KLF12: variants seen among roughly 807,000 people sequenced by gnomAD.
KLF12 encodes Krueppel-like factor 12.
A neutral mutation model predicts 37.8 loss-of-function variants in KLF12; 9 were observed. The observed-to-expected ratio is 0.24, with a 90% confidence interval of 0.14 to 0.42. The LOEUF (loss-of-function observed/expected upper bound fraction) is 0.42, where lower values mean the gene tolerates loss of function less well. KLF12 is among the 10% of genes least tolerant of loss of function. KLF12 has a pLI of 1.00. For missense variants in KLF12, 411 were observed against 516.0 expected, an observed-to-expected ratio of 0.80 and a Z score of 1.97; for synonymous variants, 208 against 202.1, an observed-to-expected ratio of 1.03 and a Z score of -0.25.
At chr13:74,193,167 C>G in the KLF12 span, among the ~76,000 whole-genome samples, 1 of 151,862 alleles carries the variant, frequency 6.6e-6, no homozygotes. Flanking sequence ...TTAGTAGAGA[C>G]AGGGTTTTTG....
chr13:74,215,331 A>T, the KLF12 span, among the ~76,000 whole-genome samples: 53 of 151,462 alleles, frequency 3.5e-4, no homozygotes, highest in East Asian at 8.3e-3. Flanking sequence ...ATTTCCTGTT[A>T]AAAGTTATTA....
At chr13:73,864,501 G>A (rs1388294403) in intron 3 of KLF12, among the ~76,000 whole-genome samples, 1 of 152,002 alleles carries the variant, frequency 6.6e-6, no homozygotes, top group African/African-American at 2.4e-5. Context: ...ATATCAGATT[G>A]TAAATAGTCC....
At chr13:73,943,234 TTAA>T (rs1276445277) in intron 3 of KLF12, among the ~76,000 whole-genome samples, 1 of 152,206 alleles carries the variant, frequency 6.6e-6, no homozygotes, top group East Asian at 1.9e-4. Flanking sequence ...TGGTGGTGGT[TTAA>T]TAAAATAAGT....
the KLF12 span, among the ~76,000 whole-genome samples, chr13:74,242,011 CT>C: frequency 1.3e-4 from 20 of 152,326 alleles, no homozygotes; most frequent in Admixed American, 1.2e-3. Context: ...AAAAGCTCTT[CT>C]GCCCACTCTG....
At chr13:73,915,478 C>T (rs988706717) in intron 3 of KLF12, among the ~76,000 whole-genome samples, 2 of 151,734 alleles carry the variant, frequency 1.3e-5, no homozygotes, top group African/African-American at 4.8e-5. Flanking sequence ...TCCCTGCAGT[C>T]GCTGCTCTGA....
intron 5 of KLF12, among the ~76,000 whole-genome samples, chr13:73,772,957 GGTAA>G (rs1880363107): frequency 2.0e-5 from 3 of 152,256 alleles, no homozygotes; most frequent in Admixed American, 2.0e-4. Flanking sequence ...GTGAGGTGGG[GGTAA>G]GTGAGGCAGA....
chr13:73,841,168 A>G (rs1323379472), intron 4 of KLF12, among the ~76,000 whole-genome samples: 2 of 152,154 alleles, frequency 1.3e-5, no homozygotes, highest in Admixed American at 1.3e-4. Context: ...ATTCCTAGAA[A>G]TGTGGTTGGT....
Position 73,697,371 on chromosome 13 carries a change from C to T in KLF12, c.1028-1700G>A, listed in dbSNP as rs183094290. Among the ~76,000 whole-genome samples the T allele has an allele frequency of 5.9e-5, 9 of 152,218 alleles. No individual in the cohort carries two copies. In the East Asian group the frequency reaches 1.2e-3, roughly 20 times the overall value. ...GTTGCTCTAGGTTTTTCTGAAAGGGCTCCTTTTAAGAAAAAGCCTACTGCC... is the reference window on the plus strand; with the variant it reads ...GTTGCTCTAGGTTTTTCTGAAAGGGTTCCTTTTAAGAAAAAGCCTACTGCC... On this transcript the variant is annotated intron_variant, in intron 7 of 7. Coordinates refer to ENST00000377669, the MANE Select transcript of KLF12 (RefSeq NM_007249.5).
chr13:73,698,252 C>T (rs1187816935), intron 7 of KLF12, among the ~76,000 whole-genome samples: 1 of 152,014 alleles, frequency 6.6e-6, no homozygotes, highest in Non-Finnish European at 1.5e-5. Context: ...CTGCTGGATC[C>T]TGCCCTTTAC....
chr13:73,847,733 T>C lies in KLF12; in HGVS notation c.124-1360A>G, dbSNP rs1169433064. Among the ~76,000 whole-genome samples the C allele has an allele frequency of 3.3e-5, 5 of 152,290 alleles. No individual in the cohort carries two copies. In the East Asian group the frequency reaches 9.6e-4, roughly 29 times the overall value. ...ATTAAAATGAGTCATCTAAAATATCTACTGTATGAAATTCTAAATGACAAG... is the reference window on the plus strand; with the variant it reads ...ATTAAAATGAGTCATCTAAAATATCCACTGTATGAAATTCTAAATGACAAG... On this transcript the variant is annotated intron_variant, in intron 3 of 7. Coordinates refer to ENST00000377669, the MANE Select transcript of KLF12 (RefSeq NM_007249.5).
chr13:73,992,846 T>C (rs1352576238), intron 2 of KLF12, among the ~76,000 whole-genome samples: 1 of 152,250 alleles, frequency 6.6e-6, no homozygotes, highest in East Asian at 1.9e-4. Flanking sequence ...TAACAGCATC[T>C]GATTCAAGCA....
intron 1 of KLF12, among the ~76,000 whole-genome samples, chr13:74,038,335 C>T (rs967411482): frequency 6.6e-6 from 1 of 152,152 alleles, no homozygotes; most frequent in African/African-American, 2.4e-5. Context: ...TTCAGTCAAT[C>T]ATGTATTCAT....
At chr13:74,220,471 G>A in the KLF12 span, among the ~76,000 whole-genome samples, 1 of 152,100 alleles carries the variant, frequency 6.6e-6, no homozygotes, top group African/African-American at 2.4e-5. Flanking sequence ...ATACAAAGTG[G>A]AATGGTGAAA....
chr13:73,864,825 T>C (rs1370470301), intron 3 of KLF12, among the ~76,000 whole-genome samples: 1 of 152,052 alleles, frequency 6.6e-6, no homozygotes. Flanking sequence ...AAGTGGTACA[T>C]AAAAGACCAT....
intron 1 of KLF12, among the ~76,000 whole-genome samples, chr13:74,063,154 T>C (rs1848974841): frequency 6.6e-6 from 1 of 152,196 alleles, no homozygotes; most frequent in Non-Finnish European, 1.5e-5. Flanking sequence ...TCACTAGTTC[T>C]CACAAACAGG....
the KLF12 span, among the ~76,000 whole-genome samples, chr13:74,217,496 AG>A: frequency 0.031 from 4,780 of 152,226 alleles, 113 homozygotes; most frequent in Middle Eastern, 0.071. Context: ...TGGGAGGCAA[AG>A]GCAGGCAGAT....
At chr13:74,151,285 TACA>T in the KLF12 span, among the ~76,000 whole-genome samples, 1 of 152,172 alleles carries the variant, frequency 6.6e-6, no homozygotes, top group Non-Finnish European at 1.5e-5. Context: ...AAACTATAAT[TACA>T]ACTAGATTAA....
At chr13:73,763,557 G>A (rs1238662036) in intron 6 of KLF12, among the ~76,000 whole-genome samples, 3 of 152,090 alleles carry the variant, frequency 2.0e-5, no homozygotes, top group Non-Finnish European at 4.4e-5. Context: ...GAATTATGCA[G>A]GAACATCATT....
chr13:74,261,212 T>A, the KLF12 span, among the ~76,000 whole-genome samples: 1 of 152,192 alleles, frequency 6.6e-6, no homozygotes, highest in South Asian at 2.1e-4. Context: ...GTTAACAGAA[T>A]AATATCAATA....
Sources: gnomAD v4.1 joint callset for allele counts (sites outside exome capture counted in the v4.1 genomes callset) on GRCh38, gnomAD v4.1.1 for gene constraint, MANE v1.5 for transcripts, NCBI Gene and HGNC (gene_info 2026-07-23, HGNC 2026-07-21) for gene names.